TCERG1L: variants seen among roughly 807,000 people sequenced by gnomAD.
The protein encoded by TCERG1L is transcription elongation regulator 1-like protein.
Under a neutral mutation model 56.3 loss-of-function variants are expected in TCERG1L, and 37 were observed. The observed-to-expected ratio is 0.66, with a 90% CI of 0.51 to 0.87. TCERG1L has a LOEUF of 0.87. Among genes scored for constraint, TCERG1L ranks in the 40% least tolerant of loss-of-function variants. The pLI is 0.00. For missense variants in TCERG1L, 799 were observed against 774.2 expected, an observed-to-expected ratio of 1.03 and a Z score of -0.38; for synonymous variants, 324 against 326.3, an observed-to-expected ratio of 0.99 and a Z score of 0.08.
intron 4 of TCERG1L, among the ~76,000 whole-genome samples, chr10:131,247,374 C>G (rs1250329363): frequency 6.6e-6 from 1 of 152,190 alleles, no homozygotes; most frequent in Admixed American, 6.5e-5. Flanking sequence ...TTATCACATT[C>G]TGAAACACGC....
At chr10:131,272,886 G>A (rs1277701713) in intron 3 of TCERG1L, among the ~76,000 whole-genome samples, 2 of 152,232 alleles carry the variant, frequency 1.3e-5, no homozygotes, top group Non-Finnish European at 1.5e-5. Flanking sequence ...GCATCTGTGG[G>A]GTGGGGAGAG....
At chr10:131,165,137 T>G (rs1846017888) in intron 5 of TCERG1L, among the ~76,000 whole-genome samples, 1 of 152,248 alleles carries the variant, frequency 6.6e-6, no homozygotes, top group South Asian at 2.1e-4. Context: ...ATGTGGCTAT[T>G]TGGCAGAACC....
intron 4 of TCERG1L, among the ~76,000 whole-genome samples, chr10:131,205,598 C>T (rs762781220): frequency 9.2e-5 from 14 of 152,154 alleles, no homozygotes; most frequent in African/African-American, 3.4e-4. Flanking sequence ...GCCCTGGGGA[C>T]GTGGAGGTAA....
At chr10:131,134,873 G>T (rs1845658164) in intron 7 of TCERG1L, among the ~76,000 whole-genome samples, 1 of 152,152 alleles carries the variant, frequency 6.6e-6, no homozygotes, top group African/African-American at 2.4e-5. Flanking sequence ...ACCTCCAACA[G>T]GCCCACGCTC....
chr10:131,220,191 A>G (rs1845714903), intron 4 of TCERG1L, among the ~76,000 whole-genome samples: 1 of 152,010 alleles, frequency 6.6e-6, no homozygotes, highest in Non-Finnish European at 1.5e-5. Context: ...CAGCCCCCCA[A>G]CATCCCCTGG....
At chr10:131,183,652 G>A (rs1402059869) in intron 4 of TCERG1L, among the ~76,000 whole-genome samples, 2 of 151,980 alleles carry the variant, frequency 1.3e-5, no homozygotes, top group African/African-American at 2.4e-5. Context: ...TTATGCACCC[G>A]CTCTCTCTAG....
At chr10:131,270,823 G>A (rs1846332211) in intron 3 of TCERG1L, among the ~76,000 whole-genome samples, 1 of 152,204 alleles carries the variant, frequency 6.6e-6, no homozygotes, top group Non-Finnish European at 1.5e-5. Flanking sequence ...CTGCACAAAG[G>A]CCCGCGGTGA....
Position 131,244,612 on chromosome 10 carries a change from C to T in TCERG1L, c.856+15647G>A, listed in dbSNP as rs181088085. Among the ~76,000 whole-genome samples, 5 of 152,290 alleles carry T rather than the reference C, an allele frequency of 3.3e-5. No individual in the cohort carries two copies. The East Asian group carries it at 9.6e-4, about 29-fold the overall frequency. ...TCTCACTCCCTGTGGTAGCCCCTTC[C>T]AGCCATGGCCAGGACTTCGGTCTCA... On this transcript the variant is annotated intron_variant, in intron 4 of 11. Coordinates refer to ENST00000368642, the MANE Select transcript of TCERG1L (RefSeq NM_174937.4).
intron 4 of TCERG1L, among the ~76,000 whole-genome samples, chr10:131,204,962 C>G (rs568687771): frequency 5.8e-4 from 89 of 152,254 alleles, no homozygotes; most frequent in African/African-American, 2.0e-3. Flanking sequence ...TGCTCTGCAG[C>G]TGGATCTGGT....
intron 4 of TCERG1L, among the ~76,000 whole-genome samples, chr10:131,185,815 A>G (rs1459176675): frequency 6.6e-6 from 1 of 152,206 alleles, no homozygotes; most frequent in African/African-American, 2.4e-5. Context: ...TCAAAAAGTC[A>G]AACATAGACT....
chr10:131,227,400 C>T (rs1287758640), intron 4 of TCERG1L, among the ~76,000 whole-genome samples: 6 of 152,246 alleles, frequency 3.9e-5, no homozygotes, highest in African/African-American at 7.2e-5. Flanking sequence ...CATTGGCACA[C>T]AGCAGCCTCA....
At chr10:131,236,827 A>G (rs938505196) in intron 4 of TCERG1L, among the ~76,000 whole-genome samples, 2 of 152,134 alleles carry the variant, frequency 1.3e-5, no homozygotes, top group African/African-American at 4.8e-5. Context: ...GTGAAGATCC[A>G]GCCTTCATCT....
In TCERG1L at chr10:131,182,029, T is replaced by C. The variant is rs113347537; in HGVS notation, c.857-15144A>G. Reference sequence around the variant, plus strand: ...CACACCGTGTGTATGTGTGTGTACATAGCACTCTGTGCATGTGTGTGTGTA... The same window carrying C: ...CACACCGTGTGTATGTGTGTGTACACAGCACTCTGTGCATGTGTGTGTGTA... On this transcript the variant is annotated intron_variant, in intron 4 of 11. Coordinates refer to ENST00000368642, the MANE Select transcript of TCERG1L (RefSeq NM_174937.4). Among the ~76,000 whole-genome samples, 549 of 152,236 alleles carry C rather than the reference T, an allele frequency of 3.6e-3. 1 individual carries two copies. Among genetic ancestry groups the C allele is most frequent in the African/African-American group, 0.012 (514 of 41,550 alleles).
At chr10:131,212,181 G>A (rs928631295) in intron 4 of TCERG1L, among the ~76,000 whole-genome samples, 10 of 152,152 alleles carry the variant, frequency 6.6e-5, no homozygotes, top group Admixed American at 5.9e-4. Flanking sequence ...TCATTCACAC[G>A]CTGTACCCAC....
At chr10:131,201,959 C>G (rs570385877) in intron 4 of TCERG1L, among the ~76,000 whole-genome samples, 1 of 152,324 alleles carries the variant, frequency 6.6e-6, no homozygotes, top group Non-Finnish European at 1.5e-5. Context: ...CCCAGGGCCA[C>G]GTGGGGGTCA....
intron 4 of TCERG1L, among the ~76,000 whole-genome samples, chr10:131,194,432 G>T (rs1845335751): frequency 6.6e-6 from 1 of 152,152 alleles, no homozygotes; most frequent in South Asian, 2.1e-4. Context: ...GGTTTGTTTG[G>T]GTTATAGAAT....
intron 4 of TCERG1L, among the ~76,000 whole-genome samples, chr10:131,211,174 G>A (rs547253191): frequency 3.3e-5 from 5 of 152,312 alleles, no homozygotes; most frequent in South Asian, 4.2e-4. Context: ...CGTATGGCTC[G>A]GCCCTCCCTG....
chr10:131,170,930 G>A (rs1198661494), intron 4 of TCERG1L, among the ~76,000 whole-genome samples: 1 of 152,158 alleles, frequency 6.6e-6, no homozygotes, highest in Non-Finnish European at 1.5e-5. Flanking sequence ...GGCGGATCAC[G>A]AGGTCAAGAG....
intron 3 of TCERG1L, among the ~76,000 whole-genome samples, chr10:131,261,797 G>A (rs1034592798): frequency 2.0e-5 from 3 of 152,192 alleles, no homozygotes; most frequent in Non-Finnish European, 4.4e-5. Context: ...TTTCCAGGCC[G>A]GTGGGCATAG....
Sources: gnomAD v4.1 joint callset for allele counts (sites outside exome capture counted in the v4.1 genomes callset) on GRCh38, gnomAD v4.1.1 for gene constraint, MANE v1.5 for transcripts, NCBI Gene and HGNC (gene_info 2026-07-23, HGNC 2026-07-21) for gene names.